GLIS3: variants seen among roughly 807,000 people sequenced by gnomAD.
GLIS3 encodes the protein GLIS family zinc finger 3.
A neutral mutation model predicts 78.6 loss-of-function variants in GLIS3; 53 were observed. That is an observed-to-expected ratio of 0.67 (90% CI 0.54 to 0.85). The LOEUF (loss-of-function observed/expected upper bound fraction) is 0.85, where lower values mean the gene tolerates loss of function less well. Among genes scored for constraint, GLIS3 ranks in the 40% least tolerant of loss-of-function variants. The probability of loss-of-function intolerance (pLI) is 0.00; values close to 1 mark genes in which losing one functional copy is unlikely to be tolerated. For missense variants in GLIS3, 1,703 were observed against 1,231.1 expected (o/e 1.38, Z -5.74); for synonymous variants, 684 against 509.9 (o/e 1.34, Z -4.60).
At chr9:4,442,031 A>G in the GLIS3 span, among the ~76,000 whole-genome samples, 3 of 152,214 alleles carry the variant, frequency 2.0e-5, no homozygotes, top group African/African-American at 4.8e-5. Context: ...AGCTGGTATT[A>G]GTCCTTCTTT....
intron 2 of GLIS3, among the ~76,000 whole-genome samples, chr9:4,253,279 G>C (rs1006938657): frequency 2.0e-5 from 3 of 152,228 alleles, no homozygotes; most frequent in Non-Finnish European, 4.4e-5. Context: ...CCCCTGACTG[G>C]GGCTGCTGCC....
chr9:4,484,404 ATTTTTTTTTTTTTTT>A, the GLIS3 span, among the ~76,000 whole-genome samples: 528 of 49,812 alleles, frequency 0.011, 9 homozygotes, highest in African/African-American at 0.034. Flanking sequence ...TGCCAGGCTA[ATTTTTTTTTTTTTTT>A]TTTTTTTTTT....
At chr9:4,025,245 G>A (rs905076009) in intron 4 of GLIS3, among the ~76,000 whole-genome samples, 4 of 149,306 alleles carry the variant, frequency 2.7e-5, no homozygotes, top group East Asian at 2.0e-4. Flanking sequence ...GTGAGACTCC[G>A]TCTCAAAAAA....
chr9:4,297,051 A>T (rs1442327351), intron 1 of GLIS3, among the ~76,000 whole-genome samples: 1 of 152,156 alleles, frequency 6.6e-6, no homozygotes, highest in Admixed American at 6.5e-5. Flanking sequence ...GAACCAGCGG[A>T]AACAAACTAG....
At chr9:3,944,770 T>G (rs1816178065) in intron 4 of GLIS3, among the ~76,000 whole-genome samples, 1 of 152,264 alleles carries the variant, frequency 6.6e-6, no homozygotes, top group African/African-American at 2.4e-5. Context: ...TTGGTAGAAC[T>G]GAATACCACA....
At chr9:4,369,336 A>G in the GLIS3 span, among the ~76,000 whole-genome samples, 53,418 of 152,070 alleles carry the variant, frequency 0.35, 9,649 homozygotes, top group Middle Eastern at 0.45. Context: ...CATGGAATAA[A>G]AATATTTAAC....
intron 2 of GLIS3, among the ~76,000 whole-genome samples, chr9:4,135,720 A>G (rs1833358099): frequency 6.6e-6 from 1 of 152,206 alleles, no homozygotes; most frequent in African/African-American, 2.4e-5. Context: ...AACATCAAGT[A>G]TATGAAAGAA....
At chr9:4,294,323 A>C (rs1816289063) in intron 1 of GLIS3, among the ~76,000 whole-genome samples, 1 of 152,206 alleles carries the variant, frequency 6.6e-6, no homozygotes, top group South Asian at 2.1e-4. Flanking sequence ...AGTCTGACTA[A>C]CACAGTGAAA....
chr9:4,421,618 G>A, the GLIS3 span, among the ~76,000 whole-genome samples: 17 of 152,320 alleles, frequency 1.1e-4, no homozygotes, highest in South Asian at 2.1e-3. Context: ...CACTGGAACC[G>A]GCAGGGGAAG....
chr9:3,918,627 C>T (rs1824674128), intron 6 of GLIS3, among the ~76,000 whole-genome samples: 1 of 152,190 alleles, frequency 6.6e-6, no homozygotes, highest in African/African-American at 2.4e-5. Flanking sequence ...CTCATGTCTC[C>T]TGCCAGTATC....
chr9:4,087,533 G>T (rs141265457), intron 4 of GLIS3, among the ~76,000 whole-genome samples: 1 of 152,116 alleles, frequency 6.6e-6, no homozygotes, highest in Non-Finnish European at 1.5e-5. Flanking sequence ...TTTAGTGCCA[G>T]GGAACAGTTT....
At chr9:3,953,793 CTCTATATATA>C (rs751427810) in intron 4 of GLIS3, among the ~76,000 whole-genome samples, 188 of 46,892 alleles carry the variant, frequency 4.0e-3, no homozygotes, top group African/African-American at 0.01. Context: ...CTCTCTCTCT[CTCTATATATA>C]TATATATATA....
the GLIS3 span, among the ~76,000 whole-genome samples, chr9:4,372,679 T>A: frequency 2.6e-5 from 4 of 152,218 alleles, 1 homozygote; most frequent in Non-Finnish European, 4.4e-5. Context: ...GGAGAAAGTC[T>A]TGTGGCTTGG....
At chr9:4,399,222 A>T in the GLIS3 span, among the ~76,000 whole-genome samples, 1 of 152,212 alleles carries the variant, frequency 6.6e-6, no homozygotes, top group Non-Finnish European at 1.5e-5. Context: ...AACTACCCTG[A>T]TCTGATCACT....
chr9:4,065,758 C>T (rs913423061), intron 4 of GLIS3, among the ~76,000 whole-genome samples: 1 of 152,104 alleles, frequency 6.6e-6, no homozygotes, highest in African/African-American at 2.4e-5. Flanking sequence ...TTTGGCTACA[C>T]TTTTATGGAT....
chr9:4,134,224 T>C (rs1833223976), intron 2 of GLIS3, among the ~76,000 whole-genome samples: 1 of 152,172 alleles, frequency 6.6e-6, no homozygotes, highest in African/African-American at 2.4e-5. Context: ...CCAATTTAGA[T>C]CACTTGCAAT....
At position 4,286,460 on chromosome 9, in the gene GLIS3, C is replaced by G; in HGVS notation, c.-35G>C. The G allele has an allele frequency of 6.2e-7, 1 of 1,611,590 alleles. No individual in the cohort carries two copies. Among genetic ancestry groups the G allele is most frequent in the Non-Finnish European group, 8.5e-7 (1 of 1,179,632 alleles). On this transcript the variant is annotated 5_prime_UTR_variant, in exon 2 of 11. Transcript: ENST00000381971. ...CCTGTGGCCAAGACGGTCAAATATC[C>G]AATGTCACTAATGACTCCTTTCAGG...
At chr9:4,097,658 A>G (rs1226335796) in intron 4 of GLIS3, among the ~76,000 whole-genome samples, 2 of 152,232 alleles carry the variant, frequency 1.3e-5, no homozygotes, top group African/African-American at 4.8e-5. Context: ...TAGAATAAAA[A>G]CAACCATCGG....
At chr9:4,114,842 G>A (rs1024955295) in intron 4 of GLIS3, among the ~76,000 whole-genome samples, 6 of 152,250 alleles carry the variant, frequency 3.9e-5, no homozygotes, top group African/African-American at 7.2e-5. Context: ...TGGAGTTGTC[G>A]GGGTAAAAGG....
Sources: gnomAD v4.1 joint callset for allele counts (sites outside exome capture counted in the v4.1 genomes callset) on GRCh38, gnomAD v4.1.1 for gene constraint, MANE v1.5 for transcripts, NCBI Gene and HGNC (gene_info 2026-07-23, HGNC 2026-07-21) for gene names.